The following PCDHGB6 variants were observed in gnomAD, a reference collection of about 807,000 sequenced individuals.
PCDHGB6 encodes the protein protocadherin gamma subfamily B, 6.
A neutral mutation model predicts 59.1 loss-of-function variants in PCDHGB6; 51 were observed. The ratio of observed to expected loss-of-function variants is 0.86; its 90% confidence interval spans 0.69 to 1.09. The LOEUF is 1.09. Ranked by LOEUF, PCDHGB6 falls within the 50% of genes least tolerant of loss-of-function variation. The pLI, the probability that PCDHGB6 is intolerant of heterozygous loss-of-function variation, is 0.00. For synonymous variants in PCDHGB6, 466 were observed against 495.1 expected (o/e 0.94, Z 0.78); for missense variants, 1,148 against 1,205.1 (o/e 0.95, Z 0.70).
At chr5:141,447,027 T>TG (rs563674341) in intron 1 of PCDHGB6, among the ~76,000 whole-genome samples, 103 of 152,252 alleles carry the variant, frequency 6.8e-4, no homozygotes, top group South Asian at 2.3e-3. Flanking sequence ...TGTTTTGTTT[T>TG]TTTTCTGTGT....
rs2097403311 is a variant in PCDHGB6 at position 141,431,640 on chromosome 5, T to C, written c.2418+21020T>C. 6.2e-7 allele frequency: 1 copy of C among 1,614,094 alleles called. No individual in the cohort carries two copies. The highest frequency in any genetic ancestry group is 8.5e-7 in the Non-Finnish European group (1 of 1,180,040). On this transcript the variant is annotated intron_variant, in intron 1 of 3. Coordinates refer to ENST00000520790, the MANE Select transcript of PCDHGB6 (RefSeq NM_018926.3). This position sits in a 1 kb window ranked among gnomAD's most constrained non-coding sequence, Gnocchi z 4.8. ...GACAAGGCGGCCCAAGTTTTCAAACTAGATTGTAATTCAGGGACAATATCA... is the reference window on the plus strand; with the variant it reads ...GACAAGGCGGCCCAAGTTTTCAAACCAGATTGTAATTCAGGGACAATATCA...
chr5:141,459,315 T>A (rs2154566534), intron 1 of PCDHGB6, among the ~76,000 whole-genome samples: 1 of 152,362 alleles, frequency 6.6e-6, no homozygotes, highest in Non-Finnish European at 1.5e-5. Flanking sequence ...CTATTTTGTA[T>A]CCATCTTCTT....
chr5:141,490,482 G>A lies in PCDHGB6; in HGVS notation c.2419-4325G>A. On this transcript the variant is annotated intron_variant, in intron 1 of 3. Coordinates refer to ENST00000520790, the MANE Select transcript of PCDHGB6 (RefSeq NM_018926.3). The surrounding 1 kb of genome is among the most constrained non-coding windows in gnomAD (Gnocchi z 5.4). ...TGCTAACCAGCCAGCCTTTGGACCG[G>A]GAGGCCACATCCCACTATATCATCG... 2.5e-6 allele frequency: 4 copies of A among 1,614,154 alleles called. No homozygotes were observed. In the South Asian group the frequency reaches 4.4e-5, roughly 18 times the overall value.
At chr5:141,421,474 G>T (rs1320526226) in intron 1 of PCDHGB6, 3 of 1,614,014 alleles carry the variant, frequency 1.9e-6, no homozygotes, top group African/African-American at 2.7e-5. Flanking sequence ...TCCGCGAAGC[G>T]GCAGCTTGAT....
chr5:141,422,158 G>GA (rs1401712595), intron 1 of PCDHGB6: 2 of 1,571,916 alleles, frequency 1.3e-6, no homozygotes, highest in Middle Eastern at 1.7e-4. Flanking sequence ...TCTGGATTTT[G>GA]AAAAATATAG....
intron 1 of PCDHGB6, among the ~76,000 whole-genome samples, chr5:141,438,579 CATACATACATACATATATATAT>C (rs1356926315): frequency 3.6e-5 from 2 of 55,782 alleles, no homozygotes; most frequent in Non-Finnish European, 6.0e-5. Context: ...GATATACATA[CATACATACATACATATATATAT>C]ATATATATAT....
chr5:141,450,181 C>A (rs2098672863), intron 1 of PCDHGB6, among the ~76,000 whole-genome samples: 1 of 151,572 alleles, frequency 6.6e-6, no homozygotes, highest in African/African-American at 2.4e-5. Flanking sequence ...CCACACCCAG[C>A]TAATTTTTGT....
At position 141,486,671 on chromosome 5, in the gene PCDHGB6, C is replaced by G. The variant is rs1307620045; in HGVS notation, c.2419-8136C>G. 24 of 1,613,926 alleles carry G rather than the reference C, an allele frequency of 1.5e-5. No homozygotes were observed. The highest frequency in any genetic ancestry group is 2.7e-5 in the African/African-American group (2 of 74,932). Reference sequence around the variant, plus strand: ...CTACTCACTCCTGGAGCCCAGGAATCGAGATGTATCAGCTTCCTCTTTCAT... The same window carrying G: ...CTACTCACTCCTGGAGCCCAGGAATGGAGATGTATCAGCTTCCTCTTTCAT... On this transcript the variant is annotated intron_variant, in intron 1 of 3. Transcript: ENST00000520790. The surrounding 1 kb of genome is among the most constrained non-coding windows in gnomAD (Gnocchi z 5.0).
In PCDHGB6 at chr5:141,511,161, G is replaced by A; in HGVS notation, c.2781G>A (p.Lys927=). 1 of 1,614,176 alleles carries A rather than the reference G, an allele frequency of 6.2e-7. No individual in the cohort carries two copies. The highest frequency in any genetic ancestry group is 8.5e-7 in the Non-Finnish European group (1 of 1,180,010). ...GNGNKKKSGK[K]EKK ...GCAACAAGAAGAAGTCGGGCAAGAA[G>A]GAGAAGAAGTAACATGGAGGCCAGG... Residue 927 remains lysine, a synonymous_variant, in exon 4 of 4, where the codon AAG becomes AAA. Transcript: ENST00000520790.
Position 141,490,709 on chromosome 5 carries a change from C to T in PCDHGB6, c.2419-4098C>T. ...GACACTGGGGATAATGCCCGCCTCA[C>T]CTACTCCATTGTAGGAAATCAGGTT... On this transcript the variant is annotated intron_variant, in intron 1 of 3. Transcript: ENST00000520790. This position sits in a 1 kb window ranked among gnomAD's most constrained non-coding sequence, Gnocchi z 5.4. The T allele has an allele frequency of 1.9e-6, 3 of 1,614,218 alleles. No homozygotes were observed. Among genetic ancestry groups the T allele is most frequent in the Non-Finnish European group, 2.5e-6 (3 of 1,180,038 alleles).
chr5:141,492,285 A>T (rs2099739112), intron 1 of PCDHGB6, among the ~76,000 whole-genome samples: 1 of 152,132 alleles, frequency 6.6e-6, no homozygotes, highest in African/African-American at 2.4e-5. Flanking sequence ...CGCCCCGCCA[A>T]CACGTGCGCG....
intron 1 of PCDHGB6, among the ~76,000 whole-genome samples, chr5:141,460,979 GTGTGTATATA>G (rs143444831): frequency 0.04 from 5,417 of 134,264 alleles, 125 homozygotes; most frequent in South Asian, 0.082. Context: ...GTGTGTGTGT[GTGTGTATATA>G]TATATATGTG....
chr5:141,465,385 C>T (rs752724696), intron 1 of PCDHGB6, among the ~76,000 whole-genome samples: 3 of 151,978 alleles, frequency 2.0e-5, no homozygotes, highest in Admixed American at 6.6e-5. Context: ...AGATTAGGAA[C>T]AAAAACAAGT....
chr5:141,423,525 G>A (rs1014975146), intron 1 of PCDHGB6: 8 of 1,613,710 alleles, frequency 5.0e-6, no homozygotes, highest in African/African-American at 2.7e-5. Context: ...ACTCGCAGAA[G>A]AGTCACCTGA....
At position 141,485,532 on chromosome 5, in the gene PCDHGB6, A is replaced by C. The variant is rs1360942348; in HGVS notation, c.2419-9275A>C. 6.2e-7 allele frequency: 1 copy of C among 1,614,108 alleles called. No individual in the cohort carries two copies. The highest frequency in any genetic ancestry group is 1.7e-5 in the Admixed American group (1 of 60,000). ...GGTCCTTTGGAAATGTACCGAGCAG[A>C]GGTAGAGATCGTAGATGTGAATGAT... On this transcript the variant is annotated intron_variant, in intron 1 of 3. Transcript: ENST00000520790. This position sits in a 1 kb window ranked among gnomAD's most constrained non-coding sequence, Gnocchi z 5.7.
chr5:141,430,949 GT>G (rs1391027030), intron 1 of PCDHGB6: 5 of 1,610,510 alleles, frequency 3.1e-6, no homozygotes, highest in Non-Finnish European at 4.2e-6. Flanking sequence ...GGAGCGCGGA[GT>G]CCGCATCATC....
At position 141,490,118 on chromosome 5, in the gene PCDHGB6, T is replaced by G. The variant is rs1448768968; in HGVS notation, c.2419-4689T>G. The G allele has an allele frequency of 6.2e-7, 1 of 1,614,158 alleles. No individual in the cohort carries two copies. Among genetic ancestry groups the G allele is most frequent in the Non-Finnish European group, 8.5e-7 (1 of 1,180,048 alleles). On this transcript the variant is annotated intron_variant, in intron 1 of 3. Transcript: ENST00000520790. This position sits in a 1 kb window ranked among gnomAD's most constrained non-coding sequence, Gnocchi z 5.4. ...ACATCTGAGGCAGTGCGGAACCTCT[T>G]TGGCCTAGACCCTAGCAGTGGGGCA...
In PCDHGB6 at chr5:141,477,101, G is replaced by A. The variant is rs770640663; in HGVS notation, c.2419-17706G>A. On this transcript the variant is annotated intron_variant, in intron 1 of 3. Transcript: ENST00000520790. The surrounding 1 kb of genome is among the most constrained non-coding windows in gnomAD (Gnocchi z 4.9). ...TTACATCCAGGCCAAAGACAAGGGC[G>A]CCAATCCCGAAGGAGCACATTGCAA... 2 of 1,614,262 alleles carry A rather than the reference G, an allele frequency of 1.2e-6. No individual in the cohort carries two copies. Among genetic ancestry groups the A allele is most frequent in the East Asian group, 2.2e-5 (1 of 44,884 alleles).
rs147674746 is a variant in PCDHGB6, at chr5:141,477,348, C to G, written c.2419-17459C>G. 7 of 1,614,180 alleles carry G rather than the reference C, an allele frequency of 4.3e-6. No individual in the cohort carries two copies. Among genetic ancestry groups the G allele is most frequent in the Non-Finnish European group, 5.9e-6 (7 of 1,180,030 alleles). ...CTCAAGAATTACTTCACTTTGAAAA[C>G]CAGTGCAGACCTGGATCGGGAGACT... is the stretch of plus-strand genomic sequence containing the variant. On this transcript the variant is annotated intron_variant, in intron 1 of 3. Transcript: ENST00000520790. The surrounding 1 kb of genome is among the most constrained non-coding windows in gnomAD (Gnocchi z 4.9).
Sources: allele counts gnomAD v4.1 joint callset (sites outside exome capture counted in the v4.1 genomes callset), GRCh38; gene constraint gnomAD v4.1.1; non-coding constraint Gnocchi (gnomAD v3.1); transcripts MANE v1.5; gene names NCBI Gene and HGNC (gene_info 2026-07-23, HGNC 2026-07-21).